The following WNT5B variants were observed in gnomAD, a reference collection of about 807,000 sequenced individuals.
WNT5B encodes protein Wnt-5b.
A neutral mutation model predicts 36.5 loss-of-function variants in WNT5B; 18 were observed. The observed-to-expected ratio is 0.49, with a 90% CI of 0.34 to 0.73. WNT5B has a LOEUF of 0.73. Among genes scored for constraint, WNT5B ranks in the 30% least tolerant of loss-of-function variants. WNT5B has a pLI of 0.01. For synonymous variants in WNT5B, 213 were observed against 212.3 expected, an observed-to-expected ratio of 1.00 and a Z score of -0.03; for missense variants, 424 against 508.4, an observed-to-expected ratio of 0.83 and a Z score of 1.60.
At chr12:1,642,833 C>G (rs1592539193) in intron 4 of WNT5B, among the ~76,000 whole-genome samples, 1 of 152,170 alleles carries the variant, frequency 6.6e-6, no homozygotes, top group Non-Finnish European at 1.5e-5. Flanking sequence ...GGCCCCACAC[C>G]TCTCCTCTTC....
chr12:1,638,020 G>A (rs1034386302), intron 3 of WNT5B, among the ~76,000 whole-genome samples: 3 of 152,302 alleles, frequency 2.0e-5, no homozygotes, highest in Admixed American at 6.5e-5. Flanking sequence ...AGGCCCAGGC[G>A]GGCGGATCAC....
intron 4 of WNT5B, chr12:1,645,101 T>A (rs1490353844): frequency 6.6e-6 from 1 of 152,288 alleles, no homozygotes; most frequent in Non-Finnish European, 1.5e-5. Context: ...TCAGGGTATT[T>A]GACAGGATCA....
chr12:1,623,843 C>G (rs992324904), intron 1 of WNT5B, among the ~76,000 whole-genome samples: 3 of 152,186 alleles, frequency 2.0e-5, no homozygotes, highest in Non-Finnish European at 4.4e-5. Context: ...CTCTTTAAAA[C>G]TATTATGTTT....
chr12:1,634,797 G>A (rs1472938601), intron 3 of WNT5B, among the ~76,000 whole-genome samples: 2 of 152,190 alleles, frequency 1.3e-5, no homozygotes, highest in Non-Finnish European at 2.9e-5. Flanking sequence ...GGGCGGCAGA[G>A]CAGCTCGGAG....
In WNT5B at chr12:1,617,408, G is replaced by A. The variant is rs12301091; in HGVS notation, c.-58+265G>A. The stretch of plus-strand genomic sequence containing the variant: ...CTAGCAGTTTGGGAGGCTGAGGCAG[G>A]TGGATTGCTTGAGCCCAGGAGTTCA... On this transcript the variant is annotated intron_variant, in intron 1 of 4. Transcript: ENST00000310594. 2.9e-3 allele frequency among the ~76,000 whole-genome samples: 435 copies of A among 152,100 alleles called. 3 individuals carry two copies. Among genetic ancestry groups the A allele is most frequent in the African/African-American group, 0.01 (428 of 41,500 alleles).
At chr12:1,634,695 G>C (rs1395855617) in intron 3 of WNT5B, among the ~76,000 whole-genome samples, 4 of 152,138 alleles carry the variant, frequency 2.6e-5, no homozygotes, top group African/African-American at 9.7e-5. Flanking sequence ...GCCCAGAGTA[G>C]CTCCTGGTGA....
At position 1,630,032 on chromosome 12, in the gene WNT5B, G is replaced by C; in HGVS notation, c.-58+661G>C. ...AGGCTTCGAGAAGGAAAATCAAAAG[G>C]GGGCTTGGGGAAGGGCTGTGTCCCA... is the stretch of plus-strand genomic sequence containing the variant. On this transcript the variant is annotated intron_variant, in intron 1 of 4. Coordinates refer to ENST00000397196, the MANE Select transcript of WNT5B (RefSeq NM_032642.3). This position sits in a 1 kb window ranked among gnomAD's most constrained non-coding sequence, Gnocchi z 5.3. 1.3e-6 allele frequency: 1 copy of C among 799,992 alleles called. No homozygotes were observed. The highest frequency in any genetic ancestry group is 1.5e-6 in the Non-Finnish European group (1 of 660,074). 49.6% of individuals were successfully genotyped at this position (799,992 alleles called of 1,614,324 possible).
rs1248749084 is a variant in WNT5B at position 1,644,320 on chromosome 12, C to T, written c.622-1474C>T. Among the ~76,000 whole-genome samples, 1 of 152,156 alleles carries T rather than the reference C, an allele frequency of 6.6e-6. No individual in the cohort carries two copies. Among genetic ancestry groups the T allele is most frequent in the Admixed American group, 6.5e-5 (1 of 15,278 alleles). ...AACCTTGGGGAGAGCCTTCCTTCCT[C>T]CTCTGCTCTAAGCCAGCTTTAAGCC... On this transcript the variant is annotated intron_variant, in intron 4 of 4. Coordinates refer to ENST00000397196, the MANE Select transcript of WNT5B (RefSeq NM_032642.3). The surrounding 1 kb of genome is among the most constrained non-coding windows in gnomAD (Gnocchi z 5.1).
chr12:1,634,525 G>C (rs10773972), intron 3 of WNT5B, among the ~76,000 whole-genome samples: 116,574 of 152,132 alleles, frequency 0.77, 44,965 homozygotes, highest in East Asian at 0.98. Context: ...GCACTAGGTG[G>C]CCAGCGAAAG....
At chr12:1,641,664 C>T (rs1169171076) in intron 4 of WNT5B, among the ~76,000 whole-genome samples, 8 of 151,802 alleles carry the variant, frequency 5.3e-5, no homozygotes, top group African/African-American at 1.2e-4. Flanking sequence ...GTTAGCTGGA[C>T]GTGGTGGCAC....
At chr12:1,635,615 G>T (rs1383577416) in intron 3 of WNT5B, among the ~76,000 whole-genome samples, 2 of 152,232 alleles carry the variant, frequency 1.3e-5, no homozygotes, top group African/African-American at 4.8e-5. Flanking sequence ...GGTGGCTATG[G>T]AGGGTAGCTC....
Position 1,632,298 on chromosome 12 carries a change from C to A in WNT5B, c.81-360C>A, listed in dbSNP as rs2094552393. Among the ~76,000 whole-genome samples, 1 of 152,130 alleles carries A rather than the reference C, an allele frequency of 6.6e-6. No individual in the cohort carries two copies. The highest frequency in any genetic ancestry group is 2.4e-5 in the African/African-American group (1 of 41,418). ...ATTAAAATGAAGAGCTGCTCCCCACCCCTCGTCTTCTTATCTGCCTGACCC... is the reference window on the plus strand; with the variant it reads ...ATTAAAATGAAGAGCTGCTCCCCACACCTCGTCTTCTTATCTGCCTGACCC... On this transcript the variant is annotated intron_variant, in intron 2 of 4. Transcript: ENST00000397196. This position sits in a 1 kb window ranked among gnomAD's most constrained non-coding sequence, Gnocchi z 5.8.
At chr12:1,639,585 AGAGCCGTGGCGTGCG>A in intron 3 of WNT5B, 84 bp from the exon 4 acceptor site, 1 of 1,336,128 alleles carries the variant, frequency 7.5e-7, no homozygotes, top group East Asian at 2.8e-5. Flanking sequence ...GGGTGTCAGC[AGAGCCGTGGCGTGCG>A]GGTCCGTCGG....
At position 1,646,199 on chromosome 12, in the gene WNT5B, T is replaced by C; in HGVS notation, c.1027T>C (p.Phe343Leu). ...CCACTGCAAGTTCCACTGGTGCTGC[T>C]TCGTCAGGTGTAAGAAGTGCACGGA... is the stretch of plus-strand genomic sequence containing the variant. Reference protein sequence around the residue: ...RCHCKFHWCCFVRCKKCTEIV... With the variant: ...RCHCKFHWCCLVRCKKCTEIV... The change falls in exon 5 of 5, where the codon TTC becomes CTC. Residue 343 changes from phenylalanine to leucine, a missense_variant. Phe to Leu is a conservative substitution (Grantham distance 22). Coordinates refer to ENST00000397196, the MANE Select transcript of WNT5B (RefSeq NM_032642.3). The C allele has an allele frequency of 6.2e-7, 1 of 1,613,854 alleles. No homozygotes were observed. Among genetic ancestry groups the C allele is most frequent in the Non-Finnish European group, 8.5e-7 (1 of 1,180,046 alleles).
At chr12:1,622,706 C>CA (rs1313851911) in intron 1 of WNT5B, among the ~76,000 whole-genome samples, 2 of 152,196 alleles carry the variant, frequency 1.3e-5, no homozygotes, top group African/African-American at 4.8e-5. Flanking sequence ...TAGCAACTCC[C>CA]ACATACCCCT....
At position 1,633,128 on chromosome 12, in the gene WNT5B, C is replaced by T. The variant is rs2094554152; in HGVS notation, c.328+223C>T. Among the ~76,000 whole-genome samples, 1 of 152,154 alleles carries T rather than the reference C, an allele frequency of 6.6e-6. No homozygotes were observed. Among genetic ancestry groups the T allele is most frequent in the Non-Finnish European group, 1.5e-5 (1 of 68,038 alleles). ...GATGTTCCTCTAGCTCTCTGCCTTC[C>T]AGCCTCACTTGGGGCAGGTTGCTTG... is the stretch of plus-strand genomic sequence containing the variant. On this transcript the variant is annotated intron_variant, in intron 3 of 4. Transcript: ENST00000397196. The surrounding 1 kb of genome is among the most constrained non-coding windows in gnomAD (Gnocchi z 4.8).
At chr12:1,620,615 T>G (rs1001406271) in intron 1 of WNT5B, among the ~76,000 whole-genome samples, 2 of 151,936 alleles carry the variant, frequency 1.3e-5, no homozygotes, top group East Asian at 3.9e-4. Context: ...CTTGGCTTAC[T>G]GCAACCTCCG....
chr12:1,631,374 T>C lies in WNT5B; in HGVS notation c.20T>C (p.Leu7Pro), dbSNP rs1398036089. The change falls in exon 2 of 5, where the codon CTG becomes CCG. Residue 7 changes from leucine to proline, a missense_variant. Coordinates refer to ENST00000397196, the MANE Select transcript of WNT5B (RefSeq NM_032642.3). Reference sequence around the variant, plus strand: ...CCGACCATGCCCAGCCTGCTGCTGCTGTTCACGGCTGCTCTGCTGTCCAGC... The same window carrying C: ...CCGACCATGCCCAGCCTGCTGCTGCCGTTCACGGCTGCTCTGCTGTCCAGC... MPSLLL[L>P]FTAALLSSWA... 1 of 1,614,182 alleles carries C rather than the reference T, an allele frequency of 6.2e-7. No homozygotes were observed. Among genetic ancestry groups the C allele is most frequent in the Admixed American group, 1.7e-5 (1 of 60,028 alleles).
chr12:1,622,958 G>A (rs1385040282), intron 1 of WNT5B, among the ~76,000 whole-genome samples: 4 of 152,132 alleles, frequency 2.6e-5, no homozygotes. Flanking sequence ...AGCTTGCTCT[G>A]CACAGAGAGA....
Sources: allele counts gnomAD v4.1 joint callset (sites outside exome capture counted in the v4.1 genomes callset), GRCh38; gene constraint gnomAD v4.1.1; non-coding constraint Gnocchi (gnomAD v3.1); transcripts MANE v1.5; gene names NCBI Gene and HGNC (gene_info 2026-07-23, HGNC 2026-07-21).